The following USP12 variants were observed in gnomAD, a reference collection of about 807,000 sequenced individuals.
The protein encoded by USP12 is ubiquitin carboxyl-terminal hydrolase 12.
USP12 carries 19 observed loss-of-function variants against 45.5 expected under a neutral mutation model. The observed-to-expected ratio is 0.42, with a 90% CI of 0.29 to 0.61. USP12 has a LOEUF of 0.61. Ranked by LOEUF, USP12 falls within the 20% of genes least tolerant of loss-of-function variation. USP12 has a pLI of 0.22. For synonymous variants in USP12, 149 were observed against 148.8 expected (o/e 1.00, Z -0.01); for missense variants, 242 against 447.7 (o/e 0.54, Z 4.15).
chr13:27,105,698 G>A, intron 3 of USP12, 33 bp downstream of exon 3: 1 of 1,586,012 alleles, frequency 6.3e-7, no homozygotes, highest in Non-Finnish European at 8.6e-7. Flanking sequence ...AACCTTCCTA[G>A]TATGTCATTA....
At chr13:27,070,735 G>A (rs538120462) in intron 8 of USP12, among the ~76,000 whole-genome samples, 1 of 151,866 alleles carries the variant, frequency 6.6e-6, no homozygotes, top group Non-Finnish European at 1.5e-5. Flanking sequence ...GTATTTTTAG[G>A]AGAGACAGGG....
At chr13:27,104,457 G>A (rs1404469259) in intron 3 of USP12, among the ~76,000 whole-genome samples, 1 of 152,068 alleles carries the variant, frequency 6.6e-6, no homozygotes, top group East Asian at 1.9e-4. Flanking sequence ...AAAAGACTGA[G>A]AAGACTTAAC....
intron 1 of USP12, among the ~76,000 whole-genome samples, chr13:27,141,557 A>T (rs1877058353): frequency 6.6e-6 from 1 of 152,202 alleles, no homozygotes; most frequent in Admixed American, 6.5e-5. Context: ...AAACATGACA[A>T]ACAAACACAG....
intron 1 of USP12, among the ~76,000 whole-genome samples, chr13:27,153,223 C>T (rs1401834476): frequency 6.6e-6 from 1 of 151,996 alleles, no homozygotes; most frequent in African/African-American, 2.4e-5. Context: ...ATACCAGCTA[C>T]TTGGGAGGCT....
intron 1 of USP12, among the ~76,000 whole-genome samples, chr13:27,138,721 G>A (rs957213803): frequency 1.3e-5 from 2 of 151,988 alleles, no homozygotes; most frequent in Admixed American, 6.6e-5. Context: ...AATTTTTTTC[G>A]TATTTTCAGT....
chr13:27,169,860 T>C (rs1878507099), intron 1 of USP12, among the ~76,000 whole-genome samples: 1 of 140,576 alleles, frequency 7.1e-6, no homozygotes, highest in African/African-American at 2.5e-5. Context: ...CTCTAGCACT[T>C]AGTGGCTGCT....
At chr13:27,094,952 A>G (rs1188467990) in intron 4 of USP12, among the ~76,000 whole-genome samples, 1 of 144,896 alleles carries the variant, frequency 6.9e-6, no homozygotes, top group Admixed American at 6.8e-5. Flanking sequence ...GTTCAAGACC[A>G]GCCTGAGCAA....
At chr13:27,076,602 T>G (rs1307364002) in intron 6 of USP12, among the ~76,000 whole-genome samples, 7 of 152,204 alleles carry the variant, frequency 4.6e-5, no homozygotes, top group African/African-American at 1.7e-4. Flanking sequence ...CCCTTCATTT[T>G]TATTTCCCCA....
rs946978403 is a variant in USP12 at position 27,090,545 on chromosome 13, T to TA, written c.574-388dup. On this transcript the variant is annotated intron_variant, in intron 4 of 8. Transcript: ENST00000282344. ...CAGGACAGGATATCTGTATTGTCATTAAAAAAAAAATTTAGCCCAAAATGT... is the reference window on the plus strand; with the variant it reads ...CAGGACAGGATATCTGTATTGTCATTAAAAAAAAAAATTTAGCCCAAAATGT... Among the ~76,000 whole-genome samples the TA allele has an allele frequency of 2.1e-3, 314 of 149,968 alleles. 3 individuals carry two copies. The highest frequency in any genetic ancestry group is 7.1e-3 in the African/African-American group (292 of 41,144).
At chr13:27,108,019 C>A (rs1875227834) in intron 2 of USP12, among the ~76,000 whole-genome samples, 1 of 152,070 alleles carries the variant, frequency 6.6e-6, no homozygotes, top group African/African-American at 2.4e-5. Context: ...TTGACCCAGC[C>A]ATCCCATTAC....
intron 2 of USP12, among the ~76,000 whole-genome samples, chr13:27,110,674 T>C (rs1018662553): frequency 5.3e-5 from 8 of 152,200 alleles, no homozygotes; most frequent in Non-Finnish European, 1.2e-4. Flanking sequence ...TAAATGTAAC[T>C]ACAGATACAC....
chr13:27,124,607 G>A (rs556096173), intron 1 of USP12, among the ~76,000 whole-genome samples: 3 of 152,138 alleles, frequency 2.0e-5, no homozygotes, highest in African/African-American at 7.2e-5. Flanking sequence ...AAGGAGAACC[G>A]CCAAATCAGG....
chr13:27,119,424 A>T (rs187762221), intron 1 of USP12, among the ~76,000 whole-genome samples: 115 of 152,312 alleles, frequency 7.6e-4, no homozygotes, highest in Non-Finnish European at 5.9e-4. Context: ...AGAGCTGTAG[A>T]TCATCATCGT....
At chr13:27,122,318 C>T (rs1215439231) in intron 1 of USP12, among the ~76,000 whole-genome samples, 4 of 152,018 alleles carry the variant, frequency 2.6e-5, no homozygotes, top group Non-Finnish European at 5.9e-5. Context: ...TCTGTTTTTG[C>T]ATCTTTCTCT....
chr13:27,102,009 TTTAA>T lies in USP12; in HGVS notation c.343+3718_343+3721del, dbSNP rs1188317927. ...ACATAATGAGATGTATTTCCCATTT[TTTAA>T]TGAATGAATGAATGAATGAATGAAT... On this transcript the variant is annotated intron_variant, in intron 3 of 8. Transcript: ENST00000282344. Among the ~76,000 whole-genome samples the T allele has an allele frequency of 1.9e-3, 147 of 75,840 alleles. 1 individual carries two copies. Among genetic ancestry groups the T allele is most frequent in the African/African-American group, 2.2e-3 (32 of 14,264 alleles). The allele number at this position is 75,840 out of a possible 152,430, so 49.8% of individuals were successfully genotyped here.
intron 2 of USP12, among the ~76,000 whole-genome samples, chr13:27,111,226 T>C (rs900137955): frequency 2.0e-5 from 3 of 152,200 alleles, no homozygotes; most frequent in African/African-American, 7.2e-5. Context: ...CTTTCAATCT[T>C]TTTAATAATT....
chr13:27,072,663 C>T (rs1443592605), intron 7 of USP12, among the ~76,000 whole-genome samples: 1 of 152,112 alleles, frequency 6.6e-6, no homozygotes, highest in African/African-American at 2.4e-5. Context: ...AGTAGAGCCA[C>T]AGGAGAGACC....
intron 4 of USP12, 33 bp from the exon 5 acceptor site, chr13:27,090,191 C>A: frequency 6.5e-7 from 1 of 1,531,174 alleles, no homozygotes; most frequent in South Asian, 1.2e-5. Context: ...TTGATTTTTT[C>A]AAATACTAGT....
chr13:27,080,276 C>T (rs1031504353), intron 6 of USP12, among the ~76,000 whole-genome samples: 1 of 152,176 alleles, frequency 6.6e-6, no homozygotes, highest in African/African-American at 2.4e-5. Context: ...TACAGCAAAG[C>T]AAATCCCTAT....
Sources: allele counts gnomAD v4.1 joint callset (sites outside exome capture counted in the v4.1 genomes callset), GRCh38; gene constraint gnomAD v4.1.1; transcripts MANE v1.5; gene names NCBI Gene and HGNC (gene_info 2026-07-23, HGNC 2026-07-21).